DENND2D: variants seen among roughly 807,000 people sequenced by gnomAD.
DENND2D encodes the protein DENN domain-containing protein 2D.
A neutral mutation model predicts 59.8 loss-of-function variants in DENND2D; 37 were observed. That is an observed-to-expected ratio of 0.62 (90% CI 0.48 to 0.81). The LOEUF (loss-of-function observed/expected upper bound fraction) is 0.81, where lower values mean the gene tolerates loss of function less well. Ranked by LOEUF, DENND2D falls within the 40% of genes least tolerant of loss-of-function variation. The pLI, the probability that DENND2D is intolerant of heterozygous loss-of-function variation, is 0.00. For missense variants in DENND2D, 525 were observed against 579.7 expected, an observed-to-expected ratio of 0.91 and a Z score of 0.97; for synonymous variants, 219 against 211.3, an observed-to-expected ratio of 1.04 and a Z score of -0.31.
chr1:111,194,004 A>G (rs898307375), intron 7 of DENND2D, among the ~76,000 whole-genome samples: 1 of 152,214 alleles, frequency 6.6e-6, no homozygotes, highest in African/African-American at 2.4e-5. Flanking sequence ...CACAATCATT[A>G]TTTCCATTTT....
At position 111,195,934 on chromosome 1, in the gene DENND2D, G is replaced by GA. The variant is rs1658183331; in HGVS notation, c.626dup (p.Asp211ArgfsTer5). On this transcript the variant is annotated frameshift_variant, in exon 6 of 12. Transcript: ENST00000357640. LOFTEE classifies it high-confidence loss of function. ...AACCCACCTCAGTGCCTGAGTCGGG[G>GA]ATGAAGCTCTTGAGAGTGACAGTCT... is the stretch of plus-strand genomic sequence containing the variant. The GA allele has an allele frequency of 6.2e-7, 1 of 1,614,096 alleles. No individual in the cohort carries two copies. The highest frequency in any genetic ancestry group is 8.5e-7 in the Non-Finnish European group (1 of 1,180,010).
At chr1:111,189,479 G>A (rs1233015842) in intron 8 of DENND2D, among the ~76,000 whole-genome samples, 2 of 152,192 alleles carry the variant, frequency 1.3e-5, no homozygotes, top group Admixed American at 6.5e-5. Context: ...TAGGAAGGGA[G>A]TAGGAGAAAG....
Position 111,187,362 on chromosome 1 carries a change from C to G in DENND2D, c.*243G>C. On this transcript the variant is annotated 3_prime_UTR_variant, in exon 12 of 12. Coordinates refer to ENST00000357640, the MANE Select transcript of DENND2D (RefSeq NM_024901.5). Reference sequence around the variant, plus strand: ...CTACTGTTTCCTACCTGTGTCACCTCTGCAAAAAATGGAGCTCTGAGCCCA... The same window carrying G: ...CTACTGTTTCCTACCTGTGTCACCTGTGCAAAAAATGGAGCTCTGAGCCCA... 1 of 516,432 alleles carries G rather than the reference C, an allele frequency of 1.9e-6. No individual in the cohort carries two copies. Among genetic ancestry groups the G allele is most frequent in the Non-Finnish European group, 3.5e-6 (1 of 284,880 alleles). 32.0% of individuals were successfully genotyped at this position (516,432 alleles called of 1,614,324 possible).
rs952380648 is a variant in DENND2D, at chr1:111,187,460, C to G, written c.*145G>C. ...TACCAGGGATCCAAATCTCAGACAC[C>G]AGTTTGAAGCAATACCTGGATACCA... is the stretch of plus-strand genomic sequence containing the variant. On this transcript the variant is annotated 3_prime_UTR_variant, in exon 12 of 12. Coordinates refer to ENST00000357640, the MANE Select transcript of DENND2D (RefSeq NM_024901.5). 9.2e-6 allele frequency: 6 copies of G among 652,636 alleles called. No homozygotes were observed. The highest frequency in any genetic ancestry group is 3.1e-4 in the Middle Eastern group (1 of 3,222). 40.4% of individuals were successfully genotyped at this position (652,636 alleles called of 1,614,324 possible). A position where few individuals can be genotyped will look rare whatever the true frequency, so the allele number is the denominator to read the frequency against.
intron 7 of DENND2D, among the ~76,000 whole-genome samples, chr1:111,192,944 T>C (rs1657917318): frequency 6.6e-6 from 1 of 152,190 alleles, no homozygotes; most frequent in Non-Finnish European, 1.5e-5. Context: ...TCTAGGAACC[T>C]CTGCCCAGCA....
At position 111,197,212 on chromosome 1, in the gene DENND2D, G is replaced by A. The variant is rs1658324880; in HGVS notation, c.468C>T (p.Ile156=). The change falls in exon 5 of 12, where the codon ATC becomes ATT. Residue 156 remains isoleucine, a synonymous_variant. Transcript: ENST00000357640. Reference sequence around the variant, plus strand: ...AGCCGAAGCAGCCGATGCAGCTGATGATGCAGTACACTTTGGGAAGGCGAG... The same window carrying A: ...AGCCGAAGCAGCCGATGCAGCTGATAATGCAGTACACTTTGGGAAGGCGAG... ...PGPRLPKVYC[I]ISCIGCFGLF... 3.7e-6 allele frequency: 6 copies of A among 1,613,996 alleles called. No homozygotes were observed. The East Asian group carries it at 1.3e-4, about 36-fold the overall frequency.
upstream of DENND2D, chr1:111,202,368 G>A (rs1658891967): frequency 6.6e-6 from 1 of 152,156 alleles, no homozygotes; most frequent in South Asian, 2.1e-4. Context: ...TTATCCACAG[G>A]AGAGAAAAGC....
At chr1:111,192,418 C>A (rs546224052) in intron 7 of DENND2D, 101 bp from the exon 8 acceptor site, 4 of 1,277,206 alleles carry the variant, frequency 3.1e-6, no homozygotes, top group Non-Finnish European at 3.1e-6. Flanking sequence ...CAGTGCTGCC[C>A]ATGCCCATGG....
At chr1:111,200,186 G>C (rs955248553) in intron 1 of DENND2D, 1 of 636,688 alleles carries the variant, frequency 1.6e-6, no homozygotes, top group Non-Finnish European at 2.7e-6. Flanking sequence ...CAGGCTCAAA[G>C]GGCATGTGAC....
intron 8 of DENND2D, among the ~76,000 whole-genome samples, chr1:111,190,768 G>T (rs1657694417): frequency 6.6e-6 from 1 of 152,196 alleles, no homozygotes; most frequent in Non-Finnish European, 1.5e-5. Flanking sequence ...GGAGAGAGTG[G>T]AAAGTATGCC....
chr1:111,187,545 G>T lies in DENND2D; in HGVS notation c.*60C>A. 6.9e-7 allele frequency: 1 copy of T among 1,456,540 alleles called. No individual in the cohort carries two copies. The highest frequency in any genetic ancestry group is 9.6e-7 in the Non-Finnish European group (1 of 1,039,450). The allele number at this position is 1,456,540 out of a possible 1,614,324, so 90.2% of individuals were successfully genotyped here. ...ACAGTTTTGCTGATCCTGCCACACT[G>T]GCAGGGGCTGAAGTCCAGAAATGGT... On this transcript the variant is annotated 3_prime_UTR_variant, in exon 12 of 12. Coordinates refer to ENST00000357640, the MANE Select transcript of DENND2D (RefSeq NM_024901.5).
Position 111,188,315 on chromosome 1 carries a change from C to T in DENND2D, c.1155G>A (p.Lys385=), listed in dbSNP as rs752448523. 8.7e-6 allele frequency: 14 copies of T among 1,614,044 alleles called. No individual in the cohort carries two copies. Among genetic ancestry groups the T allele is most frequent in the African/African-American group, 1.3e-5 (1 of 74,914 alleles). The part of the protein sequence containing the change: ...VSGPFVQFFV[K]IVGHYASYIK... The stretch of plus-strand genomic sequence containing the variant: ...TATAGGAAGCATAATGGCCCACAAT[C>T]TTGACAAAGAACTGCACAAAGGGGC... The change falls in exon 11 of 12, where the codon AAG becomes AAA. Residue 385 remains lysine, a synonymous_variant. Coordinates refer to ENST00000357640, the MANE Select transcript of DENND2D (RefSeq NM_024901.5).
chr1:111,197,482 T>G (rs938764079), intron 4 of DENND2D: 4 of 1,406,398 alleles, frequency 2.8e-6, no homozygotes, highest in Non-Finnish European at 3.7e-6. Context: ...CAATCTGGGG[T>G]CAGCAAAGAG....
At chr1:111,187,755 T>A in intron 11 of DENND2D, 74 bp from the exon 12 acceptor site, 3 of 1,211,064 alleles carry the variant, frequency 2.5e-6, no homozygotes. Context: ...GGAATAAGGA[T>A]CAGAAATATC....
At chr1:111,192,791 G>GCCGAGAGGCAAAGC (rs1553242507) in intron 7 of DENND2D, among the ~76,000 whole-genome samples, 1 of 152,164 alleles carries the variant, frequency 6.6e-6, no homozygotes, top group African/African-American at 2.4e-5. Flanking sequence ...TGGAGGCTCA[G>GCCGAGAGGCAAAGC]CCGAGAGGCA....
intron 4 of DENND2D, chr1:111,197,630 G>A: frequency 1.5e-6 from 2 of 1,360,352 alleles, no homozygotes; most frequent in South Asian, 3.5e-5. Context: ...AGGCTCCAGG[G>A]GCCAAGGTAA....
At chr1:111,188,905 A>G in intron 9 of DENND2D, 119 bp from the exon 10 acceptor site, 1 of 862,190 alleles carries the variant, frequency 1.2e-6, no homozygotes, top group Non-Finnish European at 1.9e-6. Context: ...AAATAGCCAC[A>G]TAGGACAGAA....
rs1313321862 is a variant in DENND2D at position 111,187,699 on chromosome 1, G to A, written c.1340-18C>T. The A allele has an allele frequency of 6.3e-7, 1 of 1,594,848 alleles. No individual in the cohort carries two copies. Among genetic ancestry groups the A allele is most frequent in the East Asian group, 2.2e-5 (1 of 44,780 alleles). ...GAAATAGCCTGTGGGTTCAAATACA[G>A]GTGTTAGAGGCATCTGATCTGGTCA... is the stretch of plus-strand genomic sequence containing the variant. On this transcript the variant is annotated intron_variant, in intron 11 of 11. Coordinates refer to ENST00000357640, the MANE Select transcript of DENND2D (RefSeq NM_024901.5).
upstream of DENND2D, among the ~76,000 whole-genome samples, chr1:111,202,910 G>A (rs1471606610): frequency 6.6e-6 from 1 of 151,304 alleles, no homozygotes; most frequent in Non-Finnish European, 1.5e-5. Context: ...ATCAGGAAGT[G>A]CCTGGTGTTG....
Sources: gnomAD v4.1 joint callset for allele counts (sites outside exome capture counted in the v4.1 genomes callset) on GRCh38, gnomAD v4.1.1 for gene constraint, MANE v1.5 for transcripts, NCBI Gene and HGNC (gene_info 2026-07-23, HGNC 2026-07-21) for gene names.